The following ANO3 variants were observed in gnomAD, a reference collection of about 807,000 sequenced individuals.
ANO3 encodes anoctamin 3, also known as anoctamin-3.
Under a neutral mutation model 144.8 loss-of-function variants are expected in ANO3, and 99 were observed. The observed-to-expected ratio is 0.68, with a 90% CI of 0.58 to 0.81. The LOEUF (loss-of-function observed/expected upper bound fraction) is 0.81. Ranked by LOEUF, ANO3 falls within the 30% of genes least tolerant of loss-of-function variation. ANO3 has a pLI of 0.00. For missense variants in ANO3, 905 were observed against 1,202.2 expected, an observed-to-expected ratio of 0.75 and a Z score of 3.66; for synonymous variants, 414 against 392.6, an observed-to-expected ratio of 1.05 and a Z score of -0.64.
intron 4 of ANO3, among the ~76,000 whole-genome samples, chr11:26,469,629 A>C (rs534524955): frequency 2.6e-4 from 39 of 152,036 alleles, no homozygotes; most frequent in African/African-American, 8.9e-4. Flanking sequence ...ATCAGTGATA[A>C]AATTAAGCAT....
chr11:26,593,525 G>T (rs1314057518), intron 14 of ANO3, among the ~76,000 whole-genome samples: 1 of 152,104 alleles, frequency 6.6e-6, no homozygotes, highest in African/African-American at 2.4e-5. Context: ...GGCCCTCAAT[G>T]GTCAAGCATA....
chr11:26,415,912 A>G lies in ANO3; in HGVS notation c.47-26006A>G, dbSNP rs79234123. Among the ~76,000 whole-genome samples the G allele has an allele frequency of 1.6e-3, 244 of 152,222 alleles. 5 individuals carry two copies. Among genetic ancestry groups the G allele is most frequent in the East Asian group, 0.013 (67 of 5,164 alleles). On this transcript the variant is annotated intron_variant, in intron 1 of 26. Coordinates refer to ENST00000256737, the MANE Select transcript of ANO3 (RefSeq NM_031418.4). ...GTATTCAGACAGCTTTTAAAAGAAA[A>G]TTTTGAGGTGATGGACTCCCTTGAG... is the stretch of plus-strand genomic sequence containing the variant.
rs1861604630 is a variant in ANO3, at chr11:26,510,139, A to AG, written c.591+1877_591+1878insG. 1.4e-5 allele frequency among the ~76,000 whole-genome samples: 2 copies of AG among 142,220 alleles called. 1 individual carries two copies. Among genetic ancestry groups the AG allele is most frequent in the South Asian group, 4.7e-4 (2 of 4,272 alleles). 93.3% of individuals were successfully genotyped at this position (142,220 alleles called of 152,430 possible). A position where few individuals can be genotyped will look rare whatever the true frequency, so the allele number is the denominator to read the frequency against. The stretch of plus-strand genomic sequence containing the variant: ...CATTGCGAGACTCCATCTCAAAAAA[A>AG]AAAAAAAAAAAAAAGAGTAGAAAAG... On this transcript the variant is annotated intron_variant, in intron 5 of 26. Coordinates refer to ENST00000256737, the MANE Select transcript of ANO3 (RefSeq NM_031418.4).
chr11:26,495,016 A>G (rs1384518790), intron 4 of ANO3, among the ~76,000 whole-genome samples: 2 of 152,192 alleles, frequency 1.3e-5, no homozygotes, highest in African/African-American at 4.8e-5. Flanking sequence ...AGCTGGAGCC[A>G]TAAATAATCT....
chr11:26,508,496 T>C (rs538573360), intron 5 of ANO3: 71 of 408,068 alleles, frequency 1.7e-4, no homozygotes, highest in Middle Eastern at 6.1e-4. Context: ...TTTTGCAATT[T>C]TAAAAACTGA....
chr11:26,460,117 C>A (rs1300471206), intron 3 of ANO3: 1 of 454,162 alleles, frequency 2.2e-6, no homozygotes. Context: ...ATAGCAATAT[C>A]TTTGCATATC....
At chr11:26,194,460 G>GTGTGTA (rs1851543276) in intron 1 of ANO3, among the ~76,000 whole-genome samples, 1 of 150,150 alleles carries the variant, frequency 6.7e-6, no homozygotes, top group Non-Finnish European at 1.5e-5. Context: ...GTGTGTGTGT[G>GTGTGTA]TGTGTGTGTG....
chr11:26,310,856 C>T (rs1471977258), intron 1 of ANO3, among the ~76,000 whole-genome samples: 1 of 152,194 alleles, frequency 6.6e-6, no homozygotes, highest in Admixed American at 6.6e-5. Context: ...GAGACGGTAA[C>T]TGAAGATCAA....
At chr11:26,498,543 A>C (rs911344375) in intron 4 of ANO3, among the ~76,000 whole-genome samples, 141 of 149,854 alleles carry the variant, frequency 9.4e-4, no homozygotes, top group African/African-American at 3.3e-3. Flanking sequence ...AATTATTAAT[A>C]ATTAAAATTA....
intron 1 of ANO3, chr11:26,287,645 T>G (rs1212805490): frequency 6.6e-6 from 1 of 152,204 alleles, no homozygotes; most frequent in Non-Finnish European, 1.5e-5. Flanking sequence ...CTAAGCAACT[T>G]ACCCAAAGTC....
intron 1 of ANO3, among the ~76,000 whole-genome samples, chr11:26,242,035 T>G (rs1340931838): frequency 2.0e-5 from 3 of 152,190 alleles, no homozygotes; most frequent in Non-Finnish European, 4.4e-5. Context: ...AGATGTATAG[T>G]TTTCTGGACA....
At chr11:26,516,972 T>A in intron 6 of ANO3, 45 bp downstream of exon 6, 1 of 1,204,678 alleles carries the variant, frequency 8.3e-7, no homozygotes, top group South Asian at 1.3e-5. Flanking sequence ...TATATTAAAA[T>A]GAGTCTATCT....
intron 4 of ANO3, among the ~76,000 whole-genome samples, chr11:26,502,595 T>C (rs1200409079): frequency 6.6e-6 from 1 of 152,114 alleles, no homozygotes; most frequent in Non-Finnish European, 1.5e-5. Flanking sequence ...TTCACAAAGA[T>C]TATATAACCT....
intron 12 of ANO3, among the ~76,000 whole-genome samples, chr11:26,551,447 A>C (rs78239947): frequency 0.052 from 7,966 of 152,062 alleles, 265 homozygotes; most frequent in Admixed American, 0.095. Context: ...AGACTAAAAA[A>C]TGTCAAAAGT....
chr11:26,517,129 C>G (rs1364316438), intron 6 of ANO3, among the ~76,000 whole-genome samples: 1 of 151,800 alleles, frequency 6.6e-6, no homozygotes, highest in Non-Finnish European at 1.5e-5. Flanking sequence ...GACACTATGT[C>G]ATTTCAAGGT....
chr11:26,234,680 GT>G (rs1852476226), intron 1 of ANO3, among the ~76,000 whole-genome samples: 1 of 152,128 alleles, frequency 6.6e-6, no homozygotes, highest in Non-Finnish European at 1.5e-5. Flanking sequence ...TATCCTTTGA[GT>G]TTCCCCTATG....
chr11:26,511,926 T>C (rs543980136), intron 5 of ANO3, among the ~76,000 whole-genome samples: 2 of 152,130 alleles, frequency 1.3e-5, no homozygotes, highest in South Asian at 2.1e-4. Flanking sequence ...CTAAATGAGG[T>C]TGGAAAGAAT....
intron 26 of ANO3, among the ~76,000 whole-genome samples, chr11:26,657,357 C>T (rs1853720954): frequency 6.6e-6 from 1 of 152,074 alleles, no homozygotes; most frequent in South Asian, 2.1e-4. Flanking sequence ...CGACTTTGCA[C>T]CTATATACAT....
At chr11:26,228,982 C>T (rs1852324710) in intron 1 of ANO3, among the ~76,000 whole-genome samples, 1 of 152,142 alleles carries the variant, frequency 6.6e-6, no homozygotes, top group African/African-American at 2.4e-5. Flanking sequence ...ATTAACAATG[C>T]CATCCTGTGG....
Sources: gnomAD v4.1 joint callset for allele counts (sites outside exome capture counted in the v4.1 genomes callset) on GRCh38, gnomAD v4.1.1 for gene constraint, MANE v1.5 for transcripts, NCBI Gene and HGNC (gene_info 2026-07-23, HGNC 2026-07-21) for gene names.